The following KNTC1 variants were observed in gnomAD, a reference collection of about 807,000 sequenced individuals.
KNTC1 encodes kinetochore-associated protein 1.
A neutral mutation model predicts 314.4 loss-of-function variants in KNTC1; 253 were observed. That is an observed-to-expected ratio of 0.80 (90% CI 0.73 to 0.89). The LOEUF (loss-of-function observed/expected upper bound fraction) is 0.89. KNTC1 is among the 40% of genes least tolerant of loss of function. The pLI, the probability that KNTC1 is intolerant of heterozygous loss-of-function variation, is 0.00. For synonymous variants in KNTC1, 901 were observed against 901.4 expected, an observed-to-expected ratio of 1.00 and a Z score of 0.01; for missense variants, 2,475 against 2,572.9, an observed-to-expected ratio of 0.96 and a Z score of 0.82.
At chr12:122,572,212 T>C (rs1203557189) in intron 24 of KNTC1, among the ~76,000 whole-genome samples, 1 of 151,966 alleles carries the variant, frequency 6.6e-6, no homozygotes, top group Non-Finnish European at 1.5e-5. Context: ...ATTAACATGG[T>C]GAAACCCCAT....
intron 18 of KNTC1, among the ~76,000 whole-genome samples, chr12:122,560,284 A>T (rs1199779294): frequency 6.6e-6 from 1 of 152,162 alleles, no homozygotes; most frequent in African/African-American, 2.4e-5. Context: ...TAATTCTGCT[A>T]TGAACATGGG....
chr12:122,551,447 A>T lies in KNTC1; in HGVS notation c.1131-11A>T. On this transcript the variant is annotated splice_polypyrimidine_tract_variant and intron_variant, in intron 14 of 63. Coordinates refer to ENST00000333479, the MANE Select transcript of KNTC1 (RefSeq NM_014708.6). The stretch of plus-strand genomic sequence containing the variant: ...AAAGACAAGCGCATTTATAGTTAAA[A>T]TTTTTTCTAGATTGTCTGAAGACTC... 1 of 1,573,498 alleles carries T rather than the reference A, an allele frequency of 6.4e-7. No homozygotes were observed. Among genetic ancestry groups the T allele is most frequent in the South Asian group, 1.2e-5 (1 of 86,888 alleles).
chr12:122,597,560 T>A, intron 43 of KNTC1, 171 bp from the exon 44 acceptor site: 1 of 629,880 alleles, frequency 1.6e-6, no homozygotes, highest in Non-Finnish European at 2.8e-6. Context: ...TATCTGATTT[T>A]TAAAAGGCAA....
chr12:122,601,153 G>A (rs1353424656), intron 44 of KNTC1, among the ~76,000 whole-genome samples: 1 of 151,992 alleles, frequency 6.6e-6, no homozygotes, highest in Non-Finnish European at 1.5e-5. Context: ...CGCAATCTCA[G>A]CTCACTGCAA....
intron 20 of KNTC1, 29 bp downstream of exon 20, chr12:122,562,728 G>A: frequency 7.2e-7 from 1 of 1,390,500 alleles, no homozygotes; most frequent in South Asian, 1.2e-5. Flanking sequence ...AAACTTTTTA[G>A]GCCAGGCATG....
chr12:122,583,899 G>A (rs929157983), intron 34 of KNTC1, among the ~76,000 whole-genome samples: 8 of 152,162 alleles, frequency 5.3e-5, no homozygotes, highest in African/African-American at 1.9e-4. Context: ...AAGGCAGGAG[G>A]ATTACTTCAG....
In KNTC1 at chr12:122,575,557, C is replaced by T. The variant is rs765314103; in HGVS notation, c.2397C>T (p.Ala799=). 3.5e-5 allele frequency: 56 copies of T among 1,589,874 alleles called. No individual in the cohort carries two copies. In the South Asian group the frequency reaches 3.7e-4, roughly 10 times the overall value. Residue 799 remains alanine (A), a synonymous_variant, in exon 28 of 64, where the codon GCC becomes GCT. Transcript: ENST00000333479. ...CLSDTDLIFD[A]VLKIMYAAVV... ...ATCTTTTGTAGCTCATATTTGATGC[C>T]GTGCTCAAGATCATGTATGCGGCAG...
intron 22 of KNTC1, among the ~76,000 whole-genome samples, chr12:122,570,387 C>T (rs1164117900): frequency 6.6e-6 from 1 of 151,600 alleles, no homozygotes; most frequent in African/African-American, 2.4e-5. Context: ...GGCATGGTGG[C>T]ATGCCTGTAA....
chr12:122,615,092 T>A lies in KNTC1; in HGVS notation c.5973+6T>A, dbSNP rs1226018411. On this transcript the variant is annotated splice_donor_region_variant and intron_variant, in intron 56 of 63. Coordinates refer to ENST00000333479, the MANE Select transcript of KNTC1 (RefSeq NM_014708.6). ...AGCTTCTGGGCTTCAATATGGTAAG[T>A]AAGACTCAATGCCCTCGACTAAGTA... 4 of 1,583,600 alleles carry A rather than the reference T, an allele frequency of 2.5e-6. No homozygotes were observed. The highest frequency in any genetic ancestry group is 2.2e-5 in the South Asian group (2 of 89,700).
intron 57 of KNTC1, among the ~76,000 whole-genome samples, chr12:122,618,003 A>C (rs1364225980): frequency 1.3e-5 from 2 of 152,154 alleles, no homozygotes; most frequent in African/African-American, 4.8e-5. Context: ...ATTTAAAGAG[A>C]GTTCATAATA....
intron 26 of KNTC1, 87 bp downstream of exon 26, chr12:122,573,372 T>C (rs1486390378): frequency 1.6e-6 from 2 of 1,221,556 alleles, no homozygotes; most frequent in African/African-American, 1.5e-5. Flanking sequence ...AGGAATGTCA[T>C]ATGCTTTCTC....
At chr12:122,535,310 G>A (rs1000285172) in intron 3 of KNTC1, among the ~76,000 whole-genome samples, 2 of 151,674 alleles carry the variant, frequency 1.3e-5, no homozygotes, top group Admixed American at 1.3e-4. Context: ...GATCACTTGC[G>A]GTCAGGAGTT....
At chr12:122,530,452 CTTTT>C (rs1231027673) in intron 2 of KNTC1, among the ~76,000 whole-genome samples, 1 of 140,406 alleles carries the variant, frequency 7.1e-6, no homozygotes. Flanking sequence ...CAAAGGATAT[CTTTT>C]TTTTTTTTTT....
In KNTC1 at chr12:122,618,640, T is replaced by A. The variant is rs564872276; in HGVS notation, c.6149+95T>A. 3 of 932,066 alleles carry A rather than the reference T, an allele frequency of 3.2e-6. No homozygotes were observed. The East Asian group carries it at 7.4e-5, about 23-fold the overall frequency. 57.7% of individuals were successfully genotyped at this position (932,066 alleles called of 1,614,324 possible). A position where few individuals can be genotyped will look rare whatever the true frequency, so the allele number is the denominator to read the frequency against. On this transcript the variant is annotated intron_variant, in intron 59 of 63. Coordinates refer to ENST00000333479, the MANE Select transcript of KNTC1 (RefSeq NM_014708.6). ...ATCTCTAATGAGTAATTCCTTTTTG[T>A]TAGGAAGTTAAGCATAACACGTGTT...
At chr12:122,540,465 A>AT (rs1962215544) in intron 5 of KNTC1, among the ~76,000 whole-genome samples, 2 of 152,012 alleles carry the variant, frequency 1.3e-5, no homozygotes, top group Non-Finnish European at 2.9e-5. Context: ...CCTTTTCTGT[A>AT]TTTTTTATAC....
chr12:122,530,092 A>G lies in KNTC1; in HGVS notation c.29A>G (p.Asn10Ser). 6.2e-7 allele frequency: 1 copy of G among 1,613,866 alleles called. No homozygotes were observed. The highest frequency in any genetic ancestry group is 8.5e-7 in the Non-Finnish European group (1 of 1,179,798). ...TGGAATGATATTGAGCTGCTAACAA[A>G]TGATGATACCGGAAGTGGGTACCTG... The part of the protein sequence containing the change: MWNDIELLT[N>S]DDTGSGYLSV... The change falls in exon 2 of 64, where the codon AAT (asparagine) becomes AGT (serine). Residue 10 changes from asparagine to serine, a missense_variant. Transcript: ENST00000333479.
intron 56 of KNTC1, 28 bp downstream of exon 56, chr12:122,615,114 A>T (rs1390084677): frequency 6.7e-7 from 1 of 1,498,268 alleles, no homozygotes. Flanking sequence ...CCCTCGACTA[A>T]GTATATTTGA....
At chr12:122,605,241 A>G (rs1872461578) in intron 50 of KNTC1, 65 bp from the exon 51 acceptor site, 1 of 1,147,976 alleles carries the variant, frequency 8.7e-7, no homozygotes, top group Non-Finnish European at 1.3e-6. Context: ...ACACATACAC[A>G]TATAAGTATT....
chr12:122,625,754 T>C (rs1294246648), intron 63 of KNTC1, among the ~76,000 whole-genome samples: 1 of 152,204 alleles, frequency 6.6e-6, no homozygotes, highest in Non-Finnish European at 1.5e-5. Flanking sequence ...CATAATTTAT[T>C]TTTACTCCCA....
Sources: allele counts gnomAD v4.1 joint callset (sites outside exome capture counted in the v4.1 genomes callset), GRCh38; gene constraint gnomAD v4.1.1; transcripts MANE v1.5; gene names NCBI Gene and HGNC (gene_info 2026-07-23, HGNC 2026-07-21).